FAAH2: variants seen among roughly 807,000 people sequenced by gnomAD.
FAAH2 encodes fatty acid amide hydrolase 2.
In FAAH2, 60 loss-of-function variants were observed where a neutral mutation model predicts 36.9. That is an observed-to-expected ratio of 1.63 (90% CI 1.32 to 2.02). The LOEUF (loss-of-function observed/expected upper bound fraction) is 2.02, where lower values mean the gene tolerates loss of function less well. Among genes scored for constraint, FAAH2 ranks in the 30% most tolerant of loss-of-function variants. The probability of loss-of-function intolerance (pLI) is 0.00; values close to 1 mark genes in which losing one functional copy is unlikely to be tolerated. For missense variants in FAAH2, 689 were observed against 397.5 expected (o/e 1.73, Z -6.23); for synonymous variants, 214 against 143.8 (o/e 1.49, Z -3.49).
At chrX:57,352,860 C>T (rs955211125) in intron 5 of FAAH2, among the ~76,000 whole-genome samples, 1 of 110,164 alleles carries the variant, frequency 9.1e-6, no homozygotes, top group African/African-American at 3.3e-5. Context: ...ATGATAGTTA[C>T]AAAAACAAAC....
intron 2 of FAAH2, among the ~76,000 whole-genome samples, chrX:57,306,868 C>G (rs958685992): frequency 1.1e-5 from 1 of 89,781 alleles, no homozygotes; most frequent in Non-Finnish European, 2.2e-5. Flanking sequence ...TATATACACA[C>G]TATATATACA....
At chrX:57,219,288 G>C in the FAAH2 span, among the ~76,000 whole-genome samples, 4 of 111,102 alleles carry the variant, frequency 3.6e-5, no homozygotes, top group Non-Finnish European at 7.5e-5. Context: ...TTGTCTGTTG[G>C]TGCACTCTCG....
At chrX:57,175,335 C>G in the FAAH2 span, among the ~76,000 whole-genome samples, 1 of 111,501 alleles carries the variant, frequency 9.0e-6, no homozygotes, top group Non-Finnish European at 1.9e-5. Flanking sequence ...CCTTCTTTGT[C>G]TTTTACTATT....
intron 10 of FAAH2, among the ~76,000 whole-genome samples, chrX:57,478,711 G>A (rs1369557031): frequency 1.8e-5 from 2 of 111,793 alleles, no homozygotes. Context: ...CATATGGCTA[G>A]CCAGTTTTCC....
At chrX:57,257,586 T>C in the FAAH2 span, among the ~76,000 whole-genome samples, 5 of 110,508 alleles carry the variant, frequency 4.5e-5, no homozygotes, top group African/African-American at 6.6e-5. Context: ...GAGAAATACC[T>C]AATGTAGTGA....
rs777866572 is a variant in FAAH2 at position 57,341,146 on chromosome X, G to A, written c.623-125G>A. 77 of 625,056 alleles carry A rather than the reference G, an allele frequency of 1.2e-4. No individual in the cohort carries two copies. The African/African-American group carries it at 1.6e-3, about 13-fold the overall frequency. The allele number at this position is 625,056 out of a possible 1,213,427, so 51.5% of individuals were successfully genotyped here. On this transcript the variant is annotated intron_variant, in intron 4 of 10. Coordinates refer to ENST00000374900, the MANE Select transcript of FAAH2 (RefSeq NM_174912.4). ...TAAAATTATGATCTAAATATATGCT[G>A]TGAACAAAAGACTCACTTTGGATCT...
At chrX:57,421,584 C>T (rs1312009382) in intron 7 of FAAH2, among the ~76,000 whole-genome samples, 1 of 111,569 alleles carries the variant, frequency 9.0e-6, no homozygotes, top group Non-Finnish European at 1.9e-5. Context: ...CCTCTATCTT[C>T]TTCTTATAAG....
At chrX:57,233,797 G>A in the FAAH2 span, among the ~76,000 whole-genome samples, 14 of 112,387 alleles carry the variant, frequency 1.2e-4, no homozygotes, top group Non-Finnish European at 1.9e-5. Flanking sequence ...GCGCCACCAC[G>A]CTGGCTAATT....
chrX:57,448,073 T>C (rs2056715602), intron 9 of FAAH2, among the ~76,000 whole-genome samples: 1 of 111,688 alleles, frequency 9.0e-6, no homozygotes. Flanking sequence ...CACTGCAGCA[T>C]TGACCTCCTG....
the FAAH2 span, among the ~76,000 whole-genome samples, chrX:57,280,650 CAA>C: frequency 0.086 from 7,424 of 85,951 alleles, 677 homozygotes; most frequent in African/African-American, 0.28. Context: ...TTGGAAGCTT[CAA>C]AAAAAAAAAA....
intron 5 of FAAH2, among the ~76,000 whole-genome samples, chrX:57,350,961 T>C (rs2053983414): frequency 9.0e-6 from 1 of 111,477 alleles, no homozygotes; most frequent in Admixed American, 9.5e-5. Context: ...AGAACATTTG[T>C]TGTAACTAGG....
chrX:57,404,164 C>T (rs931718930), intron 7 of FAAH2, among the ~76,000 whole-genome samples: 1 of 112,235 alleles, frequency 8.9e-6, no homozygotes, highest in African/African-American at 3.2e-5. Context: ...AGGCTACATC[C>T]TTGTTTACAC....
At chrX:57,470,859 A>T (rs1386323425) in intron 10 of FAAH2, among the ~76,000 whole-genome samples, 1 of 111,699 alleles carries the variant, frequency 9.0e-6, no homozygotes, top group Non-Finnish European at 1.9e-5. Flanking sequence ...AAATACTGGC[A>T]AACCGAATCC....
At chrX:57,140,417 CAAAAAAAAAAA>C in the FAAH2 span, among the ~76,000 whole-genome samples, 1 of 64,830 alleles carries the variant, frequency 1.5e-5, no homozygotes, top group Non-Finnish European at 2.8e-5. Context: ...CCATCTCTAC[CAAAAAAAAAAA>C]AAAAAAAAAT....
At chrX:57,175,956 T>G in the FAAH2 span, among the ~76,000 whole-genome samples, 1 of 112,156 alleles carries the variant, frequency 8.9e-6, no homozygotes, top group Admixed American at 9.5e-5. Flanking sequence ...GACTGATAAG[T>G]TTTTCTTTAT....
chrX:57,364,287 T>C (rs188294546), intron 5 of FAAH2, among the ~76,000 whole-genome samples: 1 of 108,982 alleles, frequency 9.2e-6, no homozygotes, highest in East Asian at 2.9e-4. Context: ...TCTTGGGAGG[T>C]TGTGAGTTTC....
At chrX:57,439,389 A>AT (rs2056493387) in intron 8 of FAAH2, among the ~76,000 whole-genome samples, 1 of 112,014 alleles carries the variant, frequency 8.9e-6, no homozygotes, top group African/African-American at 3.2e-5. Context: ...TTTTGACTGC[A>AT]TAAATGTCTT....
the FAAH2 span, among the ~76,000 whole-genome samples, chrX:57,216,496 GTATATGTATATA>G: frequency 3.8e-5 from 2 of 52,303 alleles, no homozygotes; most frequent in African/African-American, 1.9e-4. Context: ...ATATATATAC[GTATATGTATATA>G]TATATATATA....
At chrX:57,180,145 C>T in the FAAH2 span, among the ~76,000 whole-genome samples, 4 of 111,695 alleles carry the variant, frequency 3.6e-5, no homozygotes, top group East Asian at 1.1e-3. Context: ...TAGCACTAAA[C>T]ACCCACATCA....
Sources: gnomAD v4.1 joint callset for allele counts (sites outside exome capture counted in the v4.1 genomes callset) on GRCh38, gnomAD v4.1.1 for gene constraint, MANE v1.5 for transcripts, NCBI Gene and HGNC (gene_info 2026-07-23, HGNC 2026-07-21) for gene names.